Variants in PTPN22 observed in about 807,000 individuals in gnomAD.
PTPN22 encodes tyrosine-protein phosphatase non-receptor type 22.
A neutral mutation model predicts 103.3 loss-of-function variants in PTPN22; 85 were observed. That is an observed-to-expected ratio of 0.82 (90% confidence interval 0.69 to 0.99). The LOEUF (loss-of-function observed/expected upper bound fraction) is 0.99. Among genes scored for constraint, PTPN22 ranks in the 50% least tolerant of loss-of-function variants. The pLI, the probability that PTPN22 is intolerant of heterozygous loss-of-function variation, is 0.00. For synonymous variants in PTPN22, 323 were observed against 310.2 expected, an observed-to-expected ratio of 1.04 and a Z score of -0.43; for missense variants, 865 against 936.9, an observed-to-expected ratio of 0.92 and a Z score of 1.00.
intron 15 of PTPN22, among the ~76,000 whole-genome samples, chr1:113,833,765 AC>A: frequency 6.6e-6 from 1 of 151,978 alleles, no homozygotes; most frequent in South Asian, 2.1e-4. Context: ...AACCCCTCCC[AC>A]CCCCATCTCT....
chr1:113,814,987 G>C lies in PTPN22; in HGVS notation c.2360-18C>G. 1.3e-6 allele frequency: 2 copies of C among 1,584,768 alleles called. No individual in the cohort carries two copies. The highest frequency in any genetic ancestry group is 1.7e-6 in the Non-Finnish European group (2 of 1,159,628). ...TGCAAAACCTGGGAACAAAAATAAA[G>C]TTGAATGAAAAGAAAGATGTTTTAA... On this transcript the variant is annotated intron_variant, in intron 20 of 20. Coordinates refer to ENST00000359785, the Ensembl canonical transcript of PTPN22.
At chr1:113,856,669 T>C (rs1040827815) in intron 5 of PTPN22, 50 bp from the exon 6 acceptor site, 4 of 1,612,636 alleles carry the variant, frequency 2.5e-6, no homozygotes, top group Admixed American at 3.3e-5. Flanking sequence ...ATTCTAGTCT[T>C]TTCCACTCTC....
chr1:113,862,691 C>A (rs1020888924), intron 1 of PTPN22, among the ~76,000 whole-genome samples: 2 of 152,166 alleles, frequency 1.3e-5, no homozygotes, highest in Non-Finnish European at 2.9e-5. Flanking sequence ...GAAAATTAAA[C>A]TTGGCCCTCC....
At chr1:113,839,978 A>AAGGTGAGTGGATCCCTTGAGGCC (rs1663395906) in intron 11 of PTPN22, among the ~76,000 whole-genome samples, 1 of 152,062 alleles carries the variant, frequency 6.6e-6, no homozygotes, top group Non-Finnish European at 1.5e-5. Flanking sequence ...TTGGGAGGCC[A>AAGGTGAGTGGATCCCTTGAGGCC]AGGTGAGTGG....
chr1:113,823,177 T>C (rs1424944522), intron 19 of PTPN22: 2 of 152,248 alleles, frequency 1.3e-5, no homozygotes, highest in Non-Finnish European at 2.9e-5. Flanking sequence ...ATATCTGTTC[T>C]GTTCACCATC....
In PTPN22 at chr1:113,832,083, G is replaced by C. The variant is rs151056016; in HGVS notation, c.2053+1028C>G. 7.2e-4 allele frequency among the ~76,000 whole-genome samples: 109 copies of C among 152,212 alleles called. 2 individuals are homozygous for C. Among genetic ancestry groups the C allele is most frequent in the African/African-American group, 2.6e-3 (106 of 41,528 alleles). ...CTTTTATAAATGAGAAAAATAGAAG[G>C]AGAAAGTATGTAATTTAACCAAGTT... On this transcript the variant is annotated intron_variant, in intron 16 of 20. Coordinates refer to ENST00000359785, the Ensembl canonical transcript of PTPN22.
rs531793459 is a variant in PTPN22, at chr1:113,818,531, T to C, written c.2359+1046A>G. On this transcript the variant is annotated intron_variant, in intron 20 of 20. Coordinates refer to ENST00000359785, the Ensembl canonical transcript of PTPN22. ...AAAATTTTATGGCAAAAAAGACAGA[T>C]CCAGAAATTTTAGTTAAACATTTTG... Among the ~76,000 whole-genome samples the C allele has an allele frequency of 2.6e-5, 4 of 152,266 alleles. No individual in the cohort carries two copies. In the East Asian group the frequency reaches 5.8e-4, roughly 22 times the overall value.
At chr1:113,861,218 T>C (rs1028878137) in intron 1 of PTPN22, among the ~76,000 whole-genome samples, 1 of 152,164 alleles carries the variant, frequency 6.6e-6, no homozygotes, top group African/African-American at 2.4e-5. Context: ...TCTTCCTTTT[T>C]CTTTCTGTTT....
intron 13 of PTPN22, among the ~76,000 whole-genome samples, chr1:113,836,606 C>T (rs548652885): frequency 6.6e-6 from 1 of 152,228 alleles, no homozygotes; most frequent in African/African-American, 2.4e-5. Context: ...TTCTGCTCTT[C>T]CTTTGGAAGC....
chr1:113,865,711 A>C (rs1454562104), intron 1 of PTPN22, among the ~76,000 whole-genome samples: 1 of 152,198 alleles, frequency 6.6e-6, no homozygotes, highest in Non-Finnish European at 1.5e-5. Context: ...CCTAAGGATT[A>C]ATCCAAAAGA....
At chr1:113,858,256 C>G (rs913556036) in intron 4 of PTPN22, among the ~76,000 whole-genome samples, 1 of 151,992 alleles carries the variant, frequency 6.6e-6, no homozygotes, top group African/African-American at 2.4e-5. Context: ...CAGGGTTTTG[C>G]AATGTTGCCC....
chr1:113,836,627 T>C (rs1052321615), intron 13 of PTPN22, among the ~76,000 whole-genome samples: 1 of 152,172 alleles, frequency 6.6e-6, no homozygotes, highest in African/African-American at 2.4e-5. Context: ...TGCTTCTATA[T>C]GTTAAGAGTA....
chr1:113,821,297 T>TTTTTG (rs551753469), intron 19 of PTPN22, among the ~76,000 whole-genome samples: 7 of 152,152 alleles, frequency 4.6e-5, no homozygotes, highest in South Asian at 2.1e-4. Flanking sequence ...ATCATGGATT[T>TTTTTG]TTTTGTTTTG....
chr1:113,851,129 G>T (rs1186214262), intron 10 of PTPN22, among the ~76,000 whole-genome samples: 1 of 151,062 alleles, frequency 6.6e-6, no homozygotes, highest in Middle Eastern at 3.2e-3. Flanking sequence ...TTAAAAGATT[G>T]TGATACATAA....
chr1:113,859,065 C>T, exon 3 of PTPN22: 2 of 1,613,684 alleles, frequency 1.2e-6, no homozygotes, highest in East Asian at 2.2e-5. Context: ...ATAGTTCTAC[C>T]CGGCTATAAT....
intron 11 of PTPN22, among the ~76,000 whole-genome samples, chr1:113,843,543 G>A (rs1488592670): frequency 6.6e-6 from 1 of 152,182 alleles, no homozygotes; most frequent in Non-Finnish European, 1.5e-5. Flanking sequence ...GGGGAGAATA[G>A]GGAGTTATTG....
Position 113,838,045 on chromosome 1 carries a change from A to C in PTPN22, c.1355T>G (p.Phe452Cys), listed in dbSNP as rs533295177. The change falls in exon 13 of 21, where the codon TTT becomes TGT. Residue 452 changes from phenylalanine (F) to cysteine (C), a missense_variant. Physicochemically the swap from Phe to Cys is radical, Grantham distance 205. This residue lies in a region of PTPN22 where 457 missense variants were observed against 529.1 expected (regional missense o/e 0.86). Coordinates refer to ENST00000359785, the Ensembl canonical transcript of PTPN22. ...GGTTTCTCTCTGCTGTATCAATTCA[A>C]AAGGAGTTGATTTGGTCCGTGTTAT... 2.5e-6 allele frequency: 4 copies of C among 1,613,934 alleles called. No homozygotes were observed. The South Asian group carries it at 3.3e-5, about 13-fold the overall frequency.
At chr1:113,836,452 C>T (rs367817765) in intron 13 of PTPN22, among the ~76,000 whole-genome samples, 404 of 152,252 alleles carry the variant, frequency 2.7e-3, no homozygotes, top group South Asian at 5.2e-3. Flanking sequence ...TTGTCATCTA[C>T]GAGATTACTA....
rs74163660 is a variant in PTPN22 at position 113,834,939 on chromosome 1, G to C, written c.1865C>G (p.Pro622Arg). The C allele has an allele frequency of 4.2e-4, 668 of 1,580,810 alleles. No individual in the cohort carries two copies. Among genetic ancestry groups the C allele is most frequent in the Admixed American group, 5.3e-4 (28 of 52,962 alleles). The stretch of plus-strand genomic sequence containing the variant: ...TTCCTCAACCACAATAAATGATTCA[G>C]GTGTCCATACAGGAAGTGGAGGGGG... Residue 622 changes from proline to arginine, a missense_variant, in exon 14 of 21, where the codon CCT becomes CGT. By Grantham distance (103) the Pro-to-Arg change is moderately radical. This residue lies in a region of PTPN22 where 401 missense variants were observed against 388.6 expected (regional missense o/e 1.03). Coordinates refer to ENST00000359785, the Ensembl canonical transcript of PTPN22.
Sources: allele counts gnomAD v4.1 joint callset (sites outside exome capture counted in the v4.1 genomes callset), GRCh38; gene constraint gnomAD v4.1.1; regional missense constraint gnomAD v4.1.1; transcripts MANE v1.5; gene names NCBI Gene and HGNC (gene_info 2026-07-23, HGNC 2026-07-21).